WWOX: variants seen among roughly 807,000 people sequenced by gnomAD.
WWOX encodes the protein WW domain containing oxidoreductase.
Under a neutral mutation model 46.2 loss-of-function variants are expected in WWOX, and 69 were observed. That is an observed-to-expected ratio of 1.49 (90% CI 1.23 to 1.82). The LOEUF is 1.82. WWOX is among the 40% of genes most tolerant of loss of function. The pLI is 0.00. For synonymous variants in WWOX, 359 were observed against 202.6 expected (o/e 1.77, Z -6.56); for missense variants, 919 against 542.6 (o/e 1.69, Z -6.89).
chr16:78,374,159 T>A (rs1042627080), intron 5 of WWOX, among the ~76,000 whole-genome samples: 5 of 152,242 alleles, frequency 3.3e-5, no homozygotes, highest in African/African-American at 1.2e-4. Flanking sequence ...TTCTCCCTGT[T>A]GCTCATTTGG....
At position 78,538,003 on chromosome 16, in the gene WWOX, C is replaced by T. The variant is rs77576844; in HGVS notation, c.1056+105251C>T. On this transcript the variant is annotated intron_variant, in intron 8 of 8. Coordinates refer to ENST00000566780, the MANE Select transcript of WWOX (RefSeq NM_016373.4). ...TTCACCTTTCCCCGATTCTTGAAAA[C>T]GGAAAAGATGAGGGTTGAATTATAG... Among the ~76,000 whole-genome samples the T allele has an allele frequency of 6.4e-3, 973 of 151,996 alleles. 8 individuals are homozygous for T. Among genetic ancestry groups the T allele is most frequent in the African/African-American group, 0.02 (816 of 41,448 alleles).
chr16:78,174,998 G>GTAATTATAATAA (rs1555548217), intron 5 of WWOX, among the ~76,000 whole-genome samples: 1 of 140,880 alleles, frequency 7.1e-6, no homozygotes. Flanking sequence ...AAAAATAATA[G>GTAATTATAATAA]TAATAATAAT....
At chr16:78,523,033 C>T (rs2043383143) in intron 8 of WWOX, among the ~76,000 whole-genome samples, 1 of 152,186 alleles carries the variant, frequency 6.6e-6, no homozygotes, top group Non-Finnish European at 1.5e-5. Context: ...GATCGTGCCA[C>T]TGCCCTCCAG....
chr16:78,351,876 C>G (rs751275392), intron 5 of WWOX, among the ~76,000 whole-genome samples: 1 of 152,192 alleles, frequency 6.6e-6, no homozygotes, highest in Non-Finnish European at 1.5e-5. Context: ...AGGCTGGTCT[C>G]AAACTCGTGA....
intron 8 of WWOX, among the ~76,000 whole-genome samples, chr16:78,779,213 T>C (rs1216871859): frequency 2.6e-5 from 4 of 152,214 alleles, no homozygotes; most frequent in Non-Finnish European, 5.9e-5. Flanking sequence ...GGCATGATCT[T>C]GGCTCAGTAC....
intron 7 of WWOX, among the ~76,000 whole-genome samples, chr16:78,427,487 G>C (rs2083110985): frequency 6.6e-6 from 1 of 152,140 alleles, no homozygotes; most frequent in African/African-American, 2.4e-5. Context: ...GCTGCATGGA[G>C]TGCCAAATTG....
At chr16:78,100,243 A>C in intron 1 of WWOX, 20 of 1,125,412 alleles carry the variant, frequency 1.8e-5, no homozygotes, top group Non-Finnish European at 2.1e-5. Context: ...CAGGGATAGG[A>C]GTTTTGTTGT....
chr16:78,409,086 C>G (rs2082613445), intron 6 of WWOX, among the ~76,000 whole-genome samples: 1 of 152,136 alleles, frequency 6.6e-6, no homozygotes, highest in Admixed American at 6.6e-5. Flanking sequence ...GAGTGAGACC[C>G]TGTTGCTAAA....
chr16:79,082,808 T>C (rs970952883), intron 8 of WWOX, among the ~76,000 whole-genome samples: 2 of 151,894 alleles, frequency 1.3e-5, no homozygotes, highest in East Asian at 1.9e-4. Context: ...ATTTTCTTTT[T>C]GCTTTCAGCT....
Position 78,109,844 on chromosome 16 carries a change from C to T in WWOX, c.230+9C>T, listed in dbSNP as rs1254974575. 2 of 1,614,044 alleles carry T rather than the reference C, an allele frequency of 1.2e-6. No homozygotes were observed. On this transcript the variant is annotated intron_variant, in intron 3 of 8. Transcript: ENST00000566780. ...CAAGTGTTTTTTGTTGAGTAAGTGT[C>T]TGCAAAGAAACCACTCTCAGCTGTT...
intron 8 of WWOX, among the ~76,000 whole-genome samples, chr16:78,678,188 G>A (rs1008805574): frequency 6.6e-6 from 1 of 152,122 alleles, no homozygotes; most frequent in Non-Finnish European, 1.5e-5. Flanking sequence ...GCCTTACGTG[G>A]CATTTGGTAG....
At position 78,847,414 on chromosome 16, in the gene WWOX, A is replaced by G. The variant is rs2052327834; in HGVS notation, c.1057-364194A>G. On this transcript the variant is annotated intron_variant, in intron 8 of 8. Coordinates refer to ENST00000566780, the MANE Select transcript of WWOX (RefSeq NM_016373.4). Reference sequence around the variant, plus strand: ...TTTATAACATATCAGTATCTATTATAAATTATATATATGTACACTTTAATG... The same window carrying G: ...TTTATAACATATCAGTATCTATTATGAATTATATATATGTACACTTTAATG... Among the ~76,000 whole-genome samples, 3 of 152,304 alleles carry G rather than the reference A, an allele frequency of 2.0e-5. No homozygotes were observed. The South Asian group carries it at 6.2e-4, about 32-fold the overall frequency.
chr16:78,865,411 T>G (rs16948629), intron 8 of WWOX, among the ~76,000 whole-genome samples: 2,060 of 152,324 alleles, frequency 0.014, 63 homozygotes, highest in African/African-American at 0.047. Flanking sequence ...ATCTTTACAC[T>G]CCAGTGGACT....
At chr16:79,014,811 C>T (rs552565005) in intron 8 of WWOX, among the ~76,000 whole-genome samples, 1 of 152,250 alleles carries the variant, frequency 6.6e-6, no homozygotes, top group Admixed American at 6.5e-5. Context: ...TTTTGGTTTC[C>T]TACTTTTGTT....
At chr16:79,176,335 T>C (rs371558936) in intron 8 of WWOX, among the ~76,000 whole-genome samples, 13 of 152,338 alleles carry the variant, frequency 8.5e-5, no homozygotes, top group East Asian at 3.9e-4. Context: ...AGTCATCTGG[T>C]ATTTCTTACC....
chr16:78,971,073 A>C (rs950393188), intron 8 of WWOX, among the ~76,000 whole-genome samples: 1 of 152,050 alleles, frequency 6.6e-6, no homozygotes. Flanking sequence ...ATATGTATAC[A>C]TATGTATATG....
intron 4 of WWOX, among the ~76,000 whole-genome samples, chr16:78,159,560 G>A (rs1193772605): frequency 1.3e-5 from 2 of 151,548 alleles, no homozygotes; most frequent in Non-Finnish European, 2.9e-5. Flanking sequence ...GTTTCAATTT[G>A]CATTTTCCTG....
chr16:78,579,450 G>A (rs1357747926), intron 8 of WWOX, among the ~76,000 whole-genome samples: 1 of 152,126 alleles, frequency 6.6e-6, no homozygotes, highest in Non-Finnish European at 1.5e-5. Context: ...ATCATGGGAG[G>A]GGAGGAGCGT....
chr16:79,091,891 C>G (rs540932550), intron 8 of WWOX, among the ~76,000 whole-genome samples: 2 of 150,326 alleles, frequency 1.3e-5, no homozygotes, highest in South Asian at 4.2e-4. Context: ...AGTGATTCTC[C>G]TGCCTCAGCC....
Sources: gnomAD v4.1 joint callset for allele counts (sites outside exome capture counted in the v4.1 genomes callset) on GRCh38, gnomAD v4.1.1 for gene constraint, MANE v1.5 for transcripts, NCBI Gene and HGNC (gene_info 2026-07-23, HGNC 2026-07-21) for gene names.